Variants in C4orf51 observed in about 807,000 individuals in gnomAD.
C4orf51 encodes uncharacterized protein C4orf51.
C4orf51 carries 25 observed loss-of-function variants against 25.2 expected under a neutral mutation model. The observed-to-expected ratio is 0.99, with a 90% CI of 0.72 to 1.39. C4orf51 has a LOEUF of 1.39. C4orf51 is among the 40% of genes most tolerant of loss of function. The pLI is 0.00. For missense variants in C4orf51, 252 were observed against 239.6 expected, an observed-to-expected ratio of 1.05 and a Z score of -0.34; for synonymous variants, 100 against 84.5, an observed-to-expected ratio of 1.18 and a Z score of -1.01.
At chr4:145,776,996 T>C in the C4orf51 span, among the ~76,000 whole-genome samples, 7 of 152,316 alleles carry the variant, frequency 4.6e-5, no homozygotes, top group African/African-American at 1.7e-4. Flanking sequence ...TAGCAGAAGA[T>C]GAAGGAAAGA....
chr4:145,773,101 CA>C (rs1027682741), downstream of C4orf51, among the ~76,000 whole-genome samples: 8 of 151,938 alleles, frequency 5.3e-5, no homozygotes, highest in African/African-American at 1.9e-4. Context: ...CAAAGGTTAA[CA>C]GAAAGGAGAA....
chr4:145,698,097 A>G (rs1044507160), intron 2 of C4orf51, among the ~76,000 whole-genome samples: 1 of 152,190 alleles, frequency 6.6e-6, no homozygotes, highest in Non-Finnish European at 1.5e-5. Context: ...ACCTTGTTAT[A>G]TACTTGTTGG....
chr4:145,711,001 C>T lies in C4orf51; in HGVS notation c.307+14369C>T, dbSNP rs180915262. The stretch of plus-strand genomic sequence containing the variant: ...TGGCATCTGGTACCAGTCTTCTTTC[C>T]CCCGAATTTATAAGTAACTAGAATT... On this transcript the variant is annotated intron_variant, in intron 2 of 5. Coordinates refer to ENST00000438731, the MANE Select transcript of C4orf51 (RefSeq NM_001080531.3). Among the ~76,000 whole-genome samples, 283 of 152,100 alleles carry T rather than the reference C, an allele frequency of 1.9e-3. 1 individual carries two copies. Among genetic ancestry groups the T allele is most frequent in the African/African-American group, 6.2e-3 (256 of 41,472 alleles).
the C4orf51 span, among the ~76,000 whole-genome samples, chr4:145,780,091 T>C: frequency 6.6e-6 from 1 of 152,172 alleles, no homozygotes; most frequent in East Asian, 1.9e-4. Flanking sequence ...CTTCAGAGGC[T>C]GAGGCACGAG....
At chr4:145,746,583 T>C (rs1733383437) in intron 1 of C4orf51, among the ~76,000 whole-genome samples, 2 of 152,258 alleles carry the variant, frequency 1.3e-5, no homozygotes, top group Admixed American at 1.3e-4. Context: ...GGTCTGTTTT[T>C]ATGCCAGTAC....
At chr4:145,737,754 A>C (rs753060955), downstream of C4orf51, among the ~76,000 whole-genome samples, 20 of 151,690 alleles carry the variant, frequency 1.3e-4, no homozygotes, top group Non-Finnish European at 2.8e-4. Flanking sequence ...TTTTGATCTG[A>C]CTCTCACTCC....
chr4:145,715,475 CTT>C (rs1731359184), intron 2 of C4orf51, among the ~76,000 whole-genome samples: 1 of 152,156 alleles, frequency 6.6e-6, no homozygotes, highest in Non-Finnish European at 1.5e-5. Flanking sequence ...GGAGCTCTCT[CTT>C]GGCACTGAGT....
chr4:145,688,791 T>C (rs1173364712), intron 1 of C4orf51, among the ~76,000 whole-genome samples: 1 of 152,204 alleles, frequency 6.6e-6, no homozygotes, highest in East Asian at 1.9e-4. Flanking sequence ...TTTATACAGT[T>C]CCAATAGGTG....
At chr4:145,760,972 G>C (rs1423496685) in intron 1 of C4orf51, 1 of 1,242,760 alleles carries the variant, frequency 8.0e-7, no homozygotes. Context: ...GCGCAAAGGG[G>C]AGCCGTTGAA....
downstream of C4orf51, among the ~76,000 whole-genome samples, chr4:145,771,533 AG>A (rs1416324518): frequency 6.6e-6 from 1 of 152,236 alleles, no homozygotes; most frequent in East Asian, 1.9e-4. Flanking sequence ...GCACTGAAGA[AG>A]TCACAAGCAC....
At chr4:145,699,063 C>T (rs1301595138) in intron 2 of C4orf51, among the ~76,000 whole-genome samples, 1 of 151,448 alleles carries the variant, frequency 6.6e-6, no homozygotes, top group African/African-American at 2.4e-5. Context: ...CCCCATTGAG[C>T]ACCTTGCAAC....
At chr4:145,720,363 AC>A (rs1489020182) in intron 2 of C4orf51, among the ~76,000 whole-genome samples, 1 of 151,296 alleles carries the variant, frequency 6.6e-6, no homozygotes, top group African/African-American at 2.4e-5. Flanking sequence ...CAACAGGAAG[AC>A]TCTCACTTCT....
intron 1 of C4orf51, among the ~76,000 whole-genome samples, chr4:145,744,777 C>T (rs1733277044): frequency 6.6e-6 from 1 of 151,580 alleles, no homozygotes; most frequent in Non-Finnish European, 1.5e-5. Context: ...GGCGTGAACC[C>T]AGTGGGCGGA....
chr4:145,737,635 A>C (rs1732875404), downstream of C4orf51, among the ~76,000 whole-genome samples: 1 of 152,090 alleles, frequency 6.6e-6, no homozygotes, highest in Non-Finnish European at 1.5e-5. Flanking sequence ...CTCTCTCTGC[A>C]TGTTAGCTTG....
intron 2 of C4orf51, among the ~76,000 whole-genome samples, chr4:145,697,302 G>A (rs1730134041): frequency 6.6e-6 from 1 of 152,024 alleles, no homozygotes; most frequent in Non-Finnish European, 1.5e-5. Flanking sequence ...ATTTCACCAT[G>A]TTGGCCAGGC....
chr4:145,696,613 A>G lies in C4orf51; in HGVS notation c.288A>G (p.Gln96=), dbSNP rs1465747141. ...ACHLLCWAGT[Q]ETTDIKGLFP... is the part of the protein sequence containing the mutation. ...ATCTTCTCTGCTGGGCTGGTACCCA[A>G]GAGACTACAGATATCAAAGGTAAGT... The change falls in exon 2 of 6, where the codon CAA becomes CAG. Residue 96 remains glutamine (Q), a synonymous_variant. Transcript: ENST00000438731. 6.2e-7 allele frequency: 1 copy of G among 1,613,592 alleles called. No individual in the cohort carries two copies. Among genetic ancestry groups the G allele is most frequent in the Non-Finnish European group, 8.5e-7 (1 of 1,179,564 alleles).
intron 1 of C4orf51, among the ~76,000 whole-genome samples, chr4:145,770,076 T>C (rs1225947325): frequency 6.6e-6 from 1 of 152,114 alleles, no homozygotes; most frequent in Non-Finnish European, 1.5e-5. Flanking sequence ...GGTGGGTGAA[T>C]TGCCTGAGGC....
chr4:145,749,130 C>T (rs888120206), intron 1 of C4orf51, among the ~76,000 whole-genome samples: 1 of 147,666 alleles, frequency 6.8e-6, no homozygotes, highest in Non-Finnish European at 1.5e-5. Context: ...TGAATTGACC[C>T]CTTTATCATT....
At chr4:145,738,425 G>A (rs544382008) in intron 1 of C4orf51, among the ~76,000 whole-genome samples, 1 of 149,874 alleles carries the variant, frequency 6.7e-6, no homozygotes, top group South Asian at 2.2e-4. Context: ...ACTCCAGCCT[G>A]GGCGACAGAG....
Sources: allele counts gnomAD v4.1 joint callset (sites outside exome capture counted in the v4.1 genomes callset), GRCh38; gene constraint gnomAD v4.1.1; transcripts MANE v1.5; gene names NCBI Gene and HGNC (gene_info 2026-07-23, HGNC 2026-07-21).